The following PRDM16 variants were observed in gnomAD, a reference collection of about 807,000 sequenced individuals.
PRDM16 encodes PR/SET domain 16.
Under a neutral mutation model 110.6 loss-of-function variants are expected in PRDM16, and 23 were observed. The ratio of observed to expected loss-of-function variants is 0.21; its 90% CI spans 0.15 to 0.29. PRDM16 has a LOEUF of 0.29. Among genes scored for constraint, PRDM16 ranks in the 10% least tolerant of loss-of-function variants. The probability of loss-of-function intolerance (pLI) is 1.00; values close to 1 mark genes in which losing one functional copy is unlikely to be tolerated. For synonymous variants in PRDM16, 799 were observed against 781.8 expected (o/e 1.02, Z -0.37); for missense variants, 1,615 against 1,794.3 (o/e 0.90, Z 1.81).
intron 2 of PRDM16, among the ~76,000 whole-genome samples, chr1:3,235,801 G>C (rs1639526941): frequency 6.6e-6 from 1 of 152,222 alleles, no homozygotes; most frequent in Non-Finnish European, 1.5e-5. Flanking sequence ...GGGAATCTCA[G>C]GCTGGGTCAG....
intron 3 of PRDM16, among the ~76,000 whole-genome samples, chr1:3,249,502 G>A (rs887822418): frequency 6.6e-5 from 10 of 151,798 alleles, no homozygotes; most frequent in Admixed American, 2.6e-4. Flanking sequence ...CCGGAGTGCC[G>A]TCACTAAACT....
At chr1:3,383,845 A>AAGGACACACCTGCCCACC (rs1643149270) in intron 3 of PRDM16, among the ~76,000 whole-genome samples, 1 of 151,358 alleles carries the variant, frequency 6.6e-6, no homozygotes, top group Non-Finnish European at 1.5e-5. Context: ...ACACCTGCCT[A>AAGGACACACCTGCCCACC]AGGACACACC....
chr1:3,182,352 T>A (rs886623132), intron 1 of PRDM16, among the ~76,000 whole-genome samples: 5 of 152,146 alleles, frequency 3.3e-5, no homozygotes, highest in Admixed American at 3.3e-4. Context: ...CCCTGGCAGG[T>A]GGACGGTGGT....
chr1:3,146,198 C>A (rs1356263291), intron 1 of PRDM16, among the ~76,000 whole-genome samples: 3 of 152,270 alleles, frequency 2.0e-5, no homozygotes, highest in Non-Finnish European at 4.4e-5. Context: ...CCCACCCCAA[C>A]TCCTTACCCT....
chr1:3,387,167 G>A (rs2065524), intron 4 of PRDM16, among the ~76,000 whole-genome samples: 10,662 of 152,136 alleles, frequency 0.07, 387 homozygotes, highest in Middle Eastern at 0.099. Flanking sequence ...ATCCTGATCC[G>A]TTCCTTCCCT....
chr1:3,279,003 C>A (rs1640651712), intron 3 of PRDM16, among the ~76,000 whole-genome samples: 2 of 152,352 alleles, frequency 1.3e-5, no homozygotes, highest in Admixed American at 6.5e-5. Flanking sequence ...CCGTGTCTGT[C>A]ATCGTCAGCC....
At chr1:3,426,027 C>G in intron 13 of PRDM16, 24 bp from the exon 14 acceptor site, 1 of 1,599,580 alleles carries the variant, frequency 6.3e-7, no homozygotes, top group Non-Finnish European at 8.5e-7. Flanking sequence ...GAGGCCGCCC[C>G]CTGATGCTCC....
Position 3,413,106 on chromosome 1 carries a change from G to A in PRDM16, c.2603+306G>A, listed in dbSNP as rs542518794. 1.0e-3 allele frequency among the ~76,000 whole-genome samples: 155 copies of A among 152,018 alleles called. 1 individual carries two copies. Among genetic ancestry groups the A allele is most frequent in the Middle Eastern group, 6.8e-3 (2 of 294 alleles). On this transcript the variant is annotated intron_variant, in intron 9 of 16. Coordinates refer to ENST00000270722, the MANE Select transcript of PRDM16 (RefSeq NM_022114.4). ...AGACATCACACTGCTGGCCTCGAGC[G>A]CCTCCTATCCCCAGTAACCCCACCC...
intron 3 of PRDM16, among the ~76,000 whole-genome samples, chr1:3,313,066 C>G (rs971550713): frequency 1.3e-5 from 2 of 152,194 alleles, no homozygotes; most frequent in Admixed American, 6.5e-5. Flanking sequence ...GCACAGGCAC[C>G]GTGTCCCAAG....
Position 3,402,774 on chromosome 1 carries a change from C to T in PRDM16, c.677-17C>T, listed in dbSNP as rs780881834. 8 of 1,602,764 alleles carry T rather than the reference C, an allele frequency of 5.0e-6. No individual in the cohort carries two copies. Among genetic ancestry groups the T allele is most frequent in the South Asian group, 3.3e-5 (3 of 90,704 alleles). On this transcript the variant is annotated splice_polypyrimidine_tract_variant and intron_variant, in intron 5 of 16. Coordinates refer to ENST00000270722, the MANE Select transcript of PRDM16 (RefSeq NM_022114.4). ...GTCTCCAGCTCACTCACCACCACCT[C>T]GTTCTCTCTCTTGCAGAGGAGCCCA...
chr1:3,396,370 T>C (rs753218602), intron 4 of PRDM16, 121 bp from the exon 5 acceptor site: 1 of 716,414 alleles, frequency 1.4e-6, no homozygotes, highest in Non-Finnish European at 2.6e-6. Context: ...TGGTGGCAAT[T>C]AGAGGAAAAT....
chr1:3,139,953 C>T (rs967247198), intron 1 of PRDM16, among the ~76,000 whole-genome samples: 1 of 152,284 alleles, frequency 6.6e-6, no homozygotes, highest in Non-Finnish European at 1.5e-5. Flanking sequence ...ACAGCCCACT[C>T]TTAATCATGC....
At chr1:3,256,083 A>T (rs1221611816) in intron 3 of PRDM16, among the ~76,000 whole-genome samples, 1 of 152,200 alleles carries the variant, frequency 6.6e-6, no homozygotes, top group Non-Finnish European at 1.5e-5. Context: ...GCTTTTGCTG[A>T]TGCTGAGTAA....
At position 3,436,981 on chromosome 1, in the gene PRDM16, C is replaced by A. The variant is rs138817977; in HGVS notation, c.*3170C>A. On this transcript the variant is annotated 3_prime_UTR_variant, in exon 17 of 17. Transcript: ENST00000270722. ...CTGCTCCTCAGACCCCAGCCCCCAG[C>A]GAGCCGACGTCCCCACCCGTTCCTG... 3 of 233,080 alleles carry A rather than the reference C, an allele frequency of 1.3e-5. No individual in the cohort carries two copies. The highest frequency in any genetic ancestry group is 2.5e-5 in the Non-Finnish European group (3 of 118,010). The allele number at this position is 233,080 out of a possible 1,614,324, so 14.4% of individuals were successfully genotyped here. A position where few individuals can be genotyped will look rare whatever the true frequency, so the allele number is the denominator to read the frequency against.
At chr1:3,217,724 T>C (rs1320101647) in intron 2 of PRDM16, among the ~76,000 whole-genome samples, 1 of 152,226 alleles carries the variant, frequency 6.6e-6, no homozygotes, top group African/African-American at 2.4e-5. Flanking sequence ...GTAGATCTTT[T>C]TTTTCAACAC....
At chr1:3,119,310 C>T (rs1477127632) in intron 1 of PRDM16, among the ~76,000 whole-genome samples, 1 of 152,226 alleles carries the variant, frequency 6.6e-6, no homozygotes, top group South Asian at 2.1e-4. Flanking sequence ...TGCGGCCAGG[C>T]GGGTGACCCG....
chr1:3,269,939 G>A (rs1221194972), intron 3 of PRDM16, among the ~76,000 whole-genome samples: 1 of 150,376 alleles, frequency 6.6e-6, no homozygotes, highest in Non-Finnish European at 1.5e-5. Context: ...TCGGGAGGAG[G>A]ACAGTCAGGA....
chr1:3,122,172 G>T (rs1361218263), intron 1 of PRDM16, among the ~76,000 whole-genome samples: 1 of 152,200 alleles, frequency 6.6e-6, no homozygotes, highest in East Asian at 1.9e-4. Flanking sequence ...CTGCCTGCTG[G>T]AAGCTTCCGC....
In PRDM16 at chr1:3,405,639, C is replaced by G; in HGVS notation, c.1177C>G (p.Pro393Ala). The change falls in exon 8 of 17, where the codon CCT (proline) becomes GCT (alanine). Residue 393 changes from proline (P) to alanine (A), a missense_variant. Around this residue, in one of 5 missense-constraint regions of PRDM16, gnomAD observed 82 missense variants for 144.4 expected, o/e 0.57. Coordinates refer to ENST00000270722, the MANE Select transcript of PRDM16 (RefSeq NM_022114.4). ...QHKHIHSTVK[P>A]FICEVCHKSY... ...CAAGCATATCCACAGCACGGTGAAG[C>G]CTTTCATATGTGAGTGGTCGCCCAG... 6.3e-7 allele frequency: 1 copy of G among 1,594,232 alleles called. No homozygotes were observed. The highest frequency in any genetic ancestry group is 8.5e-7 in the Non-Finnish European group (1 of 1,170,626).
Sources: gnomAD v4.1 joint callset for allele counts (sites outside exome capture counted in the v4.1 genomes callset) on GRCh38, gnomAD v4.1.1 for gene constraint, gnomAD v4.1.1 regional missense constraint, MANE v1.5 for transcripts, NCBI Gene and HGNC (gene_info 2026-07-23, HGNC 2026-07-21) for gene names.